ZNF723: variants seen among roughly 807,000 people sequenced by gnomAD.
ZNF723 encodes zinc finger protein 723.
Under a neutral mutation model 9.4 loss-of-function variants are expected in ZNF723, and 5 were observed. The ratio of observed to expected loss-of-function variants is 0.53; its 90% CI spans 0.28 to 1.12. The LOEUF (loss-of-function observed/expected upper bound fraction) is 1.12. Ranked by LOEUF, ZNF723 falls within the 50% of genes most tolerant of loss-of-function variation. The pLI, the probability that ZNF723 is intolerant of heterozygous loss-of-function variation, is 0.10. For synonymous variants in ZNF723, 158 were observed against 168.8 expected, an observed-to-expected ratio of 0.94 and a Z score of 0.49; for missense variants, 450 against 501.5, an observed-to-expected ratio of 0.90 and a Z score of 0.98.
At position 22,857,694 on chromosome 19, in the gene ZNF723, T is replaced by C. The variant is rs1967500985; in HGVS notation, c.803T>C (p.Met268Thr). ...KCEECGKTFN[M>T]FSSLNNHKRI... is the part of the protein sequence containing the mutation. ...GAAGAATGTGGCAAAACCTTTAATATGTTCTCAAGCCTTAATAATCATAAG... is the reference window on the plus strand; with the variant it reads ...GAAGAATGTGGCAAAACCTTTAATACGTTCTCAAGCCTTAATAATCATAAG... The change falls in exon 4 of 4, where the codon ATG becomes ACG. Residue 268 changes from methionine to threonine, a missense_variant. Physicochemically the swap from Met to Thr is moderately conservative, Grantham distance 81. Transcript: ENST00000600766. 7.9e-7 allele frequency: 1 copy of C among 1,262,320 alleles called. No homozygotes were observed. Among genetic ancestry groups the C allele is most frequent in the Admixed American group, 1.7e-5 (1 of 59,070 alleles). 78.2% of individuals were successfully genotyped at this position (1,262,320 alleles called of 1,614,324 possible).
the ZNF723 span, among the ~76,000 whole-genome samples, chr19:22,812,470 T>C: frequency 6.6e-6 from 1 of 152,188 alleles, no homozygotes; most frequent in South Asian, 2.1e-4. Flanking sequence ...AGGACTCTTT[T>C]ATCTGGAACC....
the ZNF723 span, among the ~76,000 whole-genome samples, chr19:22,825,872 G>A: frequency 1.3e-5 from 2 of 152,234 alleles, no homozygotes; most frequent in Non-Finnish European, 2.9e-5. Context: ...ACATGTAAGT[G>A]GACCCAGCAC....
At chr19:22,816,500 T>C in the ZNF723 span, among the ~76,000 whole-genome samples, 1 of 152,200 alleles carries the variant, frequency 6.6e-6, no homozygotes, top group Non-Finnish European at 1.5e-5. Context: ...AGACCCAACA[T>C]ACAGGAGGTG....
At chr19:22,854,525 AACTT>A (rs146376426) in intron 3 of ZNF723, among the ~76,000 whole-genome samples, 31,832 of 151,910 alleles carry the variant, frequency 0.21, 3,935 homozygotes, top group African/African-American at 0.35. Flanking sequence ...CTGAAACAAA[AACTT>A]AATAATGTTT....
At chr19:22,832,828 A>G (rs1967114752) in intron 1 of ZNF723, among the ~76,000 whole-genome samples, 2 of 152,238 alleles carry the variant, frequency 1.3e-5, no homozygotes, top group South Asian at 4.1e-4. Context: ...CAAAAATTAT[A>G]GAGCACCCCT....
chr19:22,819,704 A>T, the ZNF723 span, among the ~76,000 whole-genome samples: 3 of 152,218 alleles, frequency 2.0e-5, no homozygotes, highest in Non-Finnish European at 2.9e-5. Context: ...ACAATATGTA[A>T]CTATCCTGCC....
At chr19:22,839,723 T>A (rs1967216367) in intron 1 of ZNF723, among the ~76,000 whole-genome samples, 1 of 151,864 alleles carries the variant, frequency 6.6e-6, no homozygotes, top group Admixed American at 6.6e-5. Context: ...GATCCACCCA[T>A]CTCGGCCTCC....
In ZNF723 at chr19:22,849,241, AG is replaced by A; in HGVS notation, c.176del (p.Gly59GlufsTer7). On this transcript the variant is annotated frameshift_variant, in exon 3 of 4. Coordinates refer to ENST00000600766, the MANE Select transcript of ZNF723 (RefSeq NM_001349726.2). LOFTEE classifies it high-confidence loss of function. Reference sequence around the variant, plus strand: ...CAGATTTAATCACCTGTCTGGAGCAAGGAAAAGAGCCCTGGAATATGAAGAG... The same window carrying A: ...CAGATTTAATCACCTGTCTGGAGCAAGAAAAGAGCCCTGGAATATGAAGAG... ...KPDLITCLEQ[G>X]KEPWNMKRHK... is the part of the protein sequence containing the mutation. The A allele has an allele frequency of 1.5e-6, 1 of 658,300 alleles. No homozygotes were observed. The highest frequency in any genetic ancestry group is 2.8e-6 in the Non-Finnish European group (1 of 360,652). The allele number at this position is 658,300 out of a possible 1,614,324, so 40.8% of individuals were successfully genotyped here.
chr19:22,849,783 T>A (rs1204684290), intron 3 of ZNF723, among the ~76,000 whole-genome samples: 1 of 152,004 alleles, frequency 6.6e-6, no homozygotes, highest in Non-Finnish European at 1.5e-5. Flanking sequence ...GTGGCGCACT[T>A]CTGTAATCCC....
At chr19:22,848,804 G>A (rs1421301586) in intron 2 of ZNF723, among the ~76,000 whole-genome samples, 2 of 151,582 alleles carry the variant, frequency 1.3e-5, no homozygotes, top group South Asian at 2.1e-4. Flanking sequence ...GCCCAGGCTG[G>A]AGTACAATGG....
At chr19:22,844,758 G>T (rs1251899797) in intron 1 of ZNF723, among the ~76,000 whole-genome samples, 2 of 152,186 alleles carry the variant, frequency 1.3e-5, no homozygotes, top group African/African-American at 4.8e-5. Context: ...TCTGTGCTGT[G>T]CCTGCTTTCT....
chr19:22,840,691 T>C (rs1361029331), intron 1 of ZNF723: 1 of 152,200 alleles, frequency 6.6e-6, no homozygotes, highest in African/African-American at 2.4e-5. Context: ...ATTCTTTGGG[T>C]TTCTGTTTCA....
At chr19:22,822,348 T>A in the ZNF723 span, among the ~76,000 whole-genome samples, 4 of 152,204 alleles carry the variant, frequency 2.6e-5, no homozygotes, top group Non-Finnish European at 5.9e-5. Context: ...GAATAGTGAC[T>A]GATTTCTGGA....
intron 3 of ZNF723, among the ~76,000 whole-genome samples, chr19:22,850,068 A>G (rs922176109): frequency 2.0e-5 from 3 of 151,572 alleles, no homozygotes; most frequent in African/African-American, 7.3e-5. Flanking sequence ...GTCTTGAAAT[A>G]CAGTTTGGAA....
the ZNF723 span, among the ~76,000 whole-genome samples, chr19:22,818,212 A>G: frequency 2.0e-5 from 3 of 152,100 alleles, no homozygotes; most frequent in Non-Finnish European, 4.4e-5. Flanking sequence ...ACTCTTAGGT[A>G]TATCATATAA....
intron 3 of ZNF723, among the ~76,000 whole-genome samples, chr19:22,855,768 G>T (rs1967468943): frequency 6.6e-6 from 1 of 152,092 alleles, no homozygotes; most frequent in Non-Finnish European, 1.5e-5. Flanking sequence ...TGACAGTTCA[G>T]TGGTTATCTG....
chr19:22,857,537 C>G lies in ZNF723; in HGVS notation c.646C>G (p.Leu216Val), dbSNP rs1213997504. The G allele has an allele frequency of 6.9e-6, 9 of 1,305,566 alleles. No individual in the cohort carries two copies. Among genetic ancestry groups the G allele is most frequent in the Non-Finnish European group, 1.0e-5 (9 of 900,286 alleles). 80.9% of individuals were successfully genotyped at this position (1,305,566 alleles called of 1,614,324 possible). Residue 216 changes from leucine (L) to valine (V), a missense_variant, in exon 4 of 4, where the codon CTT becomes GTT. This residue lies in a region of ZNF723 where 237 missense variants were observed against 332.2 expected (regional missense o/e 0.71). Transcript: ENST00000600766. ...CAAAGCCTTTAGTGTGCCCTCAAAG[C>G]TTAATAATCATAAGAGAATTCATAC... ...CGKAFSVPSK[L>V]NNHKRIHTGE... is the part of the protein sequence containing the mutation.
At chr19:22,821,127 C>T in the ZNF723 span, among the ~76,000 whole-genome samples, 1 of 152,188 alleles carries the variant, frequency 6.6e-6, no homozygotes, top group African/African-American at 2.4e-5. Context: ...AAGACGGTGA[C>T]TCATGTACTT....
In ZNF723 at chr19:22,858,346, A is replaced by G; in HGVS notation, c.1455A>G (p.Glu485=). The part of the protein sequence containing the change: ...HAREKPYKCE[E]CGKAFNKSSI... ...GAGAGAAGCCTTACAAATGTGAAGAATGTGGCAAAGCCTTTAACAAGTCCT... is the reference window on the plus strand; with the variant it reads ...GAGAGAAGCCTTACAAATGTGAAGAGTGTGGCAAAGCCTTTAACAAGTCCT... The change falls in exon 4 of 4, where the codon GAA becomes GAG. Residue 485 remains glutamate (E), a synonymous_variant. Transcript: ENST00000600766. 1 of 1,057,692 alleles carries G rather than the reference A, an allele frequency of 9.5e-7. No homozygotes were observed. The highest frequency in any genetic ancestry group is 1.5e-6 in the Non-Finnish European group (1 of 688,362). The allele number at this position is 1,057,692 out of a possible 1,614,324, so 65.5% of individuals were successfully genotyped here. A position where few individuals can be genotyped will look rare whatever the true frequency, so the allele number is the denominator to read the frequency against.
Sources: gnomAD v4.1 joint callset for allele counts (sites outside exome capture counted in the v4.1 genomes callset) on GRCh38, gnomAD v4.1.1 for gene constraint, gnomAD v4.1.1 regional missense constraint, MANE v1.5 for transcripts, NCBI Gene and HGNC (gene_info 2026-07-23, HGNC 2026-07-21) for gene names.